SYCE3: variants seen among roughly 807,000 people sequenced by gnomAD.
SYCE3 encodes the protein testis highly expressed gene 2 protein.
Under a neutral mutation model 8.1 loss-of-function variants are expected in SYCE3, and 3 were observed. The observed-to-expected ratio is 0.37, with a 90% confidence interval of 0.17 to 0.96. SYCE3 has a LOEUF of 0.96. SYCE3 is among the 40% of genes least tolerant of loss of function. The pLI is 0.41. For missense variants in SYCE3, 83 were observed against 110.0 expected (o/e 0.75, Z 1.10); for synonymous variants, 36 against 38.7 (o/e 0.93, Z 0.26).
chr22:50,551,284 GTTC>G lies in SYCE3; in HGVS notation c.225_227del (p.Lys75del). 6.4e-7 allele frequency: 1 copy of G among 1,551,448 alleles called. No individual in the cohort carries two copies. Among genetic ancestry groups the G allele is most frequent in the Non-Finnish European group, 8.7e-7 (1 of 1,146,980 alleles). ...TGGTCTCATGCAGCAGCTCTTGCCAGTTCTTCTCCATCTCCTCCTTGCAGTTGA... is the reference window on the plus strand; with the variant it reads ...TGGTCTCATGCAGCAGCTCTTGCCAGTTCTCCATCTCCTCCTTGCAGTTGA... On this transcript the variant is annotated inframe_deletion, in exon 3 of 3. Transcript: ENST00000406915.
intron 2 of SYCE3, 75 bp downstream of exon 2, chr22:50,556,222 C>A (rs2069859202): frequency 1.8e-6 from 2 of 1,124,040 alleles, no homozygotes; most frequent in Admixed American, 2.1e-5. Flanking sequence ...ACAGGTGCAT[C>A]TTTAACCTTG....
At chr22:50,552,148 C>A (rs1300007869) in intron 2 of SYCE3, among the ~76,000 whole-genome samples, 1 of 152,244 alleles carries the variant, frequency 6.6e-6, no homozygotes, top group African/African-American at 2.4e-5. Flanking sequence ...CAAAGGTCAT[C>A]TCCCCTCTGC....
At chr22:50,554,693 C>CAAAAAAAAAAAAAAAAAAAA (rs35905749) in intron 2 of SYCE3, among the ~76,000 whole-genome samples, 3 of 78,532 alleles carry the variant, frequency 3.8e-5, no homozygotes, top group African/African-American at 1.7e-4. Flanking sequence ...GACTCCGTCT[C>CAAAAAAAAAAAAAAAAAAAA]AAAAAAAAAA....
intron 2 of SYCE3, among the ~76,000 whole-genome samples, chr22:50,552,330 ACT>A (rs1002624494): frequency 3.3e-5 from 5 of 151,568 alleles, no homozygotes; most frequent in Admixed American, 3.3e-4. Flanking sequence ...CCACCTGACG[ACT>A]CTGTGACCTG....
At chr22:50,553,681 C>G (rs2148697936) in intron 2 of SYCE3, among the ~76,000 whole-genome samples, 1 of 152,242 alleles carries the variant, frequency 6.6e-6, no homozygotes, top group South Asian at 2.1e-4. Flanking sequence ...CTCCTGGGTT[C>G]AAGTGATTCT....
intron 1 of SYCE3, among the ~76,000 whole-genome samples, chr22:50,560,346 G>A (rs982828434): frequency 1.3e-5 from 2 of 152,058 alleles, no homozygotes; most frequent in African/African-American, 2.4e-5. Flanking sequence ...AAATAGCTGG[G>A]TGTGGTGGTG....
chr22:50,556,491 A>G, intron 1 of SYCE3, 86 bp from the exon 2 acceptor site: 1 of 948,208 alleles, frequency 1.1e-6, no homozygotes, highest in Non-Finnish European at 1.6e-6. Context: ...TGATTTCTCT[A>G]AGGAATTCTT....
intron 1 of SYCE3, among the ~76,000 whole-genome samples, chr22:50,558,431 C>CAA (rs527456795): frequency 0.06 from 8,347 of 139,974 alleles, 505 homozygotes; most frequent in African/African-American, 0.15. Flanking sequence ...AACTTCATCT[C>CAA]AAAAAAAAAA....
chr22:50,561,017 GT>G (rs2069909247), intron 1 of SYCE3, among the ~76,000 whole-genome samples: 1 of 152,188 alleles, frequency 6.6e-6, no homozygotes, highest in Non-Finnish European at 1.5e-5. Context: ...ACCTAGGCAT[GT>G]GACTGAGGCC....
chr22:50,559,469 A>G (rs1032390663), intron 1 of SYCE3, among the ~76,000 whole-genome samples: 2 of 152,346 alleles, frequency 1.3e-5, no homozygotes, highest in South Asian at 2.1e-4. Flanking sequence ...GAAACACTGG[A>G]AAAATCTGAC....
In SYCE3 at chr22:50,551,323, C is replaced by G. The variant is rs751876374; in HGVS notation, c.189G>C (p.Glu63Asp). 1.3e-6 allele frequency: 2 copies of G among 1,551,302 alleles called. No individual in the cohort carries two copies. The highest frequency in any genetic ancestry group is 2.4e-5 in the South Asian group (2 of 84,066). The change falls in exon 3 of 3, where the codon GAG becomes GAC. Residue 63 changes from glutamate (E) to aspartate (D), a missense_variant. Coordinates refer to ENST00000406915, the MANE Select transcript of SYCE3 (RefSeq NM_001123225.3). ...CCTCCTTGCAGTTGACGAAGGCATCCTCCAGCCGACGCATGGACTCGGCCA... is the reference window on the plus strand; with the variant it reads ...CCTCCTTGCAGTTGACGAAGGCATCGTCCAGCCGACGCATGGACTCGGCCA... ...PTLAESMRRL[E>D]DAFVNCKEEM...
rs371921310 is a variant in SYCE3 at position 50,552,150 on chromosome 22, C to A, written c.110-748G>T. On this transcript the variant is annotated intron_variant, in intron 2 of 2. Transcript: ENST00000406915. ...CAACTATACAGAACAAAGGTCATCT[C>A]CCCTCTGCATGACAACCAACTGTAC... Among the ~76,000 whole-genome samples, 14 of 152,326 alleles carry A rather than the reference C, an allele frequency of 9.2e-5. No homozygotes were observed. In the South Asian group the frequency reaches 2.9e-3, roughly 32 times the overall value.
intron 1 of SYCE3, among the ~76,000 whole-genome samples, chr22:50,561,168 G>C (rs1283337173): frequency 6.6e-6 from 1 of 152,144 alleles, no homozygotes; most frequent in African/African-American, 2.4e-5. Flanking sequence ...GTGGCTTAAG[G>C]GGTGGTTGAT....
chr22:50,551,692 G>A (rs1158827839), intron 2 of SYCE3, among the ~76,000 whole-genome samples: 2 of 152,240 alleles, frequency 1.3e-5, no homozygotes, highest in African/African-American at 4.8e-5. Flanking sequence ...AATGTGAGGA[G>A]AATTAGAGCA....
intron 2 of SYCE3, among the ~76,000 whole-genome samples, chr22:50,552,949 G>A (rs1423454542): frequency 6.6e-6 from 1 of 152,190 alleles, no homozygotes; most frequent in African/African-American, 2.4e-5. Context: ...TATAATCCCA[G>A]CACTTTGGGA....
intron 2 of SYCE3, among the ~76,000 whole-genome samples, chr22:50,554,262 T>G (rs1282585962): frequency 6.6e-6 from 1 of 151,408 alleles, no homozygotes; most frequent in African/African-American, 2.4e-5. Flanking sequence ...GATTAAATGT[T>G]AAAAAGGAAT....
chr22:50,561,252 A>G (rs5770892), intron 1 of SYCE3, among the ~76,000 whole-genome samples: 50,345 of 151,808 alleles, frequency 0.33, 9,698 homozygotes, highest in African/African-American at 0.54. Flanking sequence ...CCACAGGTAG[A>G]TTTGGGGATA....
intron 2 of SYCE3, among the ~76,000 whole-genome samples, chr22:50,552,976 T>A (rs2069825444): frequency 6.6e-6 from 1 of 152,154 alleles, no homozygotes; most frequent in Non-Finnish European, 1.5e-5. Flanking sequence ...GGTGGGTGGA[T>A]CACTTGAGCT....
At chr22:50,556,545 C>G (rs2069861818) in intron 1 of SYCE3, 140 bp from the exon 2 acceptor site, 1 of 620,692 alleles carries the variant, frequency 1.6e-6, no homozygotes, top group Non-Finnish European at 2.8e-6. Context: ...CTCCACAGGG[C>G]TGTTGTGAAG....
Sources: gnomAD v4.1 joint callset for allele counts (sites outside exome capture counted in the v4.1 genomes callset) on GRCh38, gnomAD v4.1.1 for gene constraint, MANE v1.5 for transcripts, NCBI Gene and HGNC (gene_info 2026-07-23, HGNC 2026-07-21) for gene names.